SP110: variants seen among roughly 807,000 people sequenced by gnomAD.
The protein encoded by SP110 is SP110 nuclear body protein, also known as interferon-induced protein 41, 30kD.
A neutral mutation model predicts 92.7 loss-of-function variants in SP110; 62 were observed. The observed-to-expected ratio is 0.67, with a 90% CI of 0.55 to 0.83. The LOEUF is 0.83. Ranked by LOEUF, SP110 falls within the 40% of genes least tolerant of loss-of-function variation. The pLI, the probability that SP110 is intolerant of heterozygous loss-of-function variation, is 0.00. For synonymous variants in SP110, 273 were observed against 305.3 expected, an observed-to-expected ratio of 0.89 and a Z score of 1.10; for missense variants, 793 against 863.9, an observed-to-expected ratio of 0.92 and a Z score of 1.03.
chr2:230,219,493 A>G (rs568362336), intron 1 of SP110: 1 of 152,310 alleles, frequency 6.6e-6, no homozygotes, highest in African/African-American at 2.4e-5. Flanking sequence ...AAAGTTCATG[A>G]TACACTAGAG....
intron 1 of SP110, among the ~76,000 whole-genome samples, chr2:230,218,895 T>C (rs1421103275): frequency 4.6e-4 from 1 of 2,164 alleles, no homozygotes; most frequent in Non-Finnish European, 6.7e-4. Flanking sequence ...AAATGTGCAA[T>C]GAATAATACG....
At chr2:230,185,884 C>G (rs548788149) in intron 11 of SP110, 110 bp downstream of exon 11, 1 of 940,536 alleles carries the variant, frequency 1.1e-6, no homozygotes, top group Non-Finnish European at 1.8e-6. Context: ...CTTTTCTGTA[C>G]GTCTCCCTCC....
chr2:230,222,082 T>C (rs2045865781), upstream of SP110, among the ~76,000 whole-genome samples: 2 of 151,952 alleles, frequency 1.3e-5, no homozygotes, highest in Admixed American at 1.3e-4. Flanking sequence ...ACAAAAAAAT[T>C]AGCTGGGCGT....
At chr2:230,221,720 A>G, upstream of SP110, 1 of 1,536,126 alleles carries the variant, frequency 6.5e-7, no homozygotes, top group Non-Finnish European at 8.7e-7. Flanking sequence ...GCCCCTCCCC[A>G]TCACCTGGAA....
Position 230,165,243 on chromosome 2 carries a change from A to G in SP110, c.*3881T>C, listed in dbSNP as rs961006134. Reference sequence around the variant, plus strand: ...ATTATGTTATTAATTTATGAAAACAATAGAACACATTCTAAGATATGGTGA... The same window carrying G: ...ATTATGTTATTAATTTATGAAAACAGTAGAACACATTCTAAGATATGGTGA... On this transcript the variant is annotated 3_prime_UTR_variant, in exon 19 of 19. Transcript: ENST00000258381. Among the ~76,000 whole-genome samples the G allele has an allele frequency of 2.6e-4, 39 of 152,368 alleles. No homozygotes were observed. The highest frequency in any genetic ancestry group is 8.9e-4 in the African/African-American group (37 of 41,586).
chr2:230,212,878 C>G lies in SP110; in HGVS notation c.466G>C (p.Val156Leu). ...QPSCSPCAPR[V>L]SEPGTSSQQS... ...TGGGAGGATGTTCCAGGCTCACTGACTCTTGGCGCACAGGGTGAACAGCTT... is the reference window on the plus strand; with the variant it reads ...TGGGAGGATGTTCCAGGCTCACTGAGTCTTGGCGCACAGGGTGAACAGCTT... The change falls in exon 4 of 19, where the codon GTC becomes CTC. Residue 156 changes from valine (V) to leucine (L), a missense_variant. Val to Leu is a conservative substitution (Grantham distance 32). Transcript: ENST00000258381. The G allele has an allele frequency of 6.2e-7, 1 of 1,614,094 alleles. No homozygotes were observed. Among genetic ancestry groups the G allele is most frequent in the Non-Finnish European group, 8.5e-7 (1 of 1,180,020 alleles).
chr2:230,201,818 T>C (rs1457001709), intron 9 of SP110, among the ~76,000 whole-genome samples: 5 of 152,258 alleles, frequency 3.3e-5, no homozygotes, highest in Non-Finnish European at 5.9e-5. Context: ...AGTATGAAGT[T>C]AATTGATATG....
chr2:230,200,824 A>T, intron 10 of SP110, 61 bp downstream of exon 10: 1 of 1,248,084 alleles, frequency 8.0e-7, no homozygotes. Flanking sequence ...TCAGTGTAAG[A>T]CAGCTCTGAA....
chr2:230,202,066 ACAAT>A (rs1178108819), intron 9 of SP110, among the ~76,000 whole-genome samples: 4 of 152,228 alleles, frequency 2.6e-5, no homozygotes, highest in African/African-American at 4.8e-5. Flanking sequence ...AAGCTCACTC[ACAAT>A]CAAAGAGATT....
chr2:230,171,936 G>A, intron 16 of SP110, 130 bp downstream of exon 16: 1 of 836,786 alleles, frequency 1.2e-6, no homozygotes, highest in Non-Finnish European at 2.1e-6. Context: ...CTGAGTTTGG[G>A]CATTAAATCG....
At chr2:230,175,561 C>T (rs1219312579) in intron 14 of SP110, among the ~76,000 whole-genome samples, 6 of 152,136 alleles carry the variant, frequency 3.9e-5, no homozygotes, top group Non-Finnish European at 1.5e-5. Flanking sequence ...GAGACCAGTG[C>T]CTTAAACTTT....
intron 9 of SP110, among the ~76,000 whole-genome samples, chr2:230,201,887 G>C (rs1011657843): frequency 1.3e-5 from 2 of 152,210 alleles, no homozygotes; most frequent in Non-Finnish European, 2.9e-5. Context: ...GAGTGTTGGT[G>C]TAGTATTAAA....
At chr2:230,189,739 T>C (rs930221455) in intron 10 of SP110, among the ~76,000 whole-genome samples, 1 of 152,184 alleles carries the variant, frequency 6.6e-6, no homozygotes, top group African/African-American at 2.4e-5. Context: ...TTCCCCTCTC[T>C]GTGTCCATGT....
chr2:230,224,057 A>C (rs1391199964), upstream of SP110, among the ~76,000 whole-genome samples: 1 of 152,210 alleles, frequency 6.6e-6, no homozygotes, highest in Non-Finnish European at 1.5e-5. Flanking sequence ...AGCATAGGGA[A>C]AAACAAGATA....
chr2:230,202,815 G>T, intron 8 of SP110, 87 bp from the exon 9 acceptor site: 1 of 1,238,192 alleles, frequency 8.1e-7, no homozygotes. Flanking sequence ...CCCTTCTCAT[G>T]CCCCTAACTC....
chr2:230,192,734 C>T (rs575783363), intron 10 of SP110, among the ~76,000 whole-genome samples: 262 of 152,242 alleles, frequency 1.7e-3, no homozygotes, highest in Non-Finnish European at 3.0e-3. Context: ...CAATGTTATT[C>T]CCATCAAACT....
chr2:230,195,697 G>A (rs1223737251), intron 10 of SP110, among the ~76,000 whole-genome samples: 1 of 151,978 alleles, frequency 6.6e-6, no homozygotes, highest in Non-Finnish European at 1.5e-5. Flanking sequence ...GATATTAAAA[G>A]GTTTCCTAGC....
rs576384432 is a variant in SP110, at chr2:230,197,370, G to A, written c.1129+3515C>T. Among the ~76,000 whole-genome samples, 513 of 150,204 alleles carry A rather than the reference G, an allele frequency of 3.4e-3. 3 individuals are homozygous for A. The highest frequency in any genetic ancestry group is 0.011 in the African/African-American group (463 of 40,948). ...TGAGAAGTGTCTGTTCATATCCTTC[G>A]CCCACTTTTTGATGGGGTTGTTTGT... On this transcript the variant is annotated intron_variant, in intron 10 of 18. Coordinates refer to ENST00000258381, the MANE Select transcript of SP110 (RefSeq NM_080424.4).
chr2:230,213,695 C>T (rs1427295), intron 3 of SP110: 35,877 of 152,420 alleles, frequency 0.24, 5,078 homozygotes, highest in East Asian at 0.56. Context: ...AGGAAAGTAA[C>T]TTCAAATTTT....
Sources: gnomAD v4.1 joint callset for allele counts (sites outside exome capture counted in the v4.1 genomes callset) on GRCh38, gnomAD v4.1.1 for gene constraint, MANE v1.5 for transcripts, NCBI Gene and HGNC (gene_info 2026-07-23, HGNC 2026-07-21) for gene names.